Variants in PDE4D observed in about 807,000 individuals in gnomAD.
PDE4D encodes the protein 3',5'-cyclic-AMP phosphodiesterase 4D.
Under a neutral mutation model 87.4 loss-of-function variants are expected in PDE4D, and 24 were observed. That is an observed-to-expected ratio of 0.27 (90% confidence interval 0.20 to 0.39). PDE4D has a LOEUF of 0.39. PDE4D is among the 10% of genes least tolerant of loss of function. The pLI, the probability that PDE4D is intolerant of heterozygous loss-of-function variation, is 1.00. For missense variants in PDE4D, 714 were observed against 1,041.0 expected (o/e 0.69, Z 4.32); for synonymous variants, 384 against 383.2 (o/e 1.00, Z -0.02).
intron 1 of PDE4D, among the ~76,000 whole-genome samples, chr5:60,394,264 A>G (rs1762739808): frequency 6.6e-6 from 1 of 152,240 alleles, no homozygotes; most frequent in South Asian, 2.1e-4. Flanking sequence ...ACACAAGGTC[A>G]CCGTTAATGA....
At chr5:59,302,477 AC>A (rs1175789764) in intron 1 of PDE4D, among the ~76,000 whole-genome samples, 2 of 152,044 alleles carry the variant, frequency 1.3e-5, no homozygotes, top group Non-Finnish European at 2.9e-5. Flanking sequence ...TGCACCCATC[AC>A]CCAAGCAGTA....
intron 1 of PDE4D, among the ~76,000 whole-genome samples, chr5:59,578,382 C>A (rs1170181138): frequency 6.6e-6 from 1 of 152,158 alleles, no homozygotes. Flanking sequence ...CCAAGAAACA[C>A]AATCCATAGG....
chr5:59,089,787 A>G (rs1768361698), intron 5 of PDE4D, among the ~76,000 whole-genome samples: 1 of 152,196 alleles, frequency 6.6e-6, no homozygotes, highest in Admixed American at 6.5e-5. Flanking sequence ...TACCCCTTAC[A>G]GCCTGTGAGA....
intron 2 of PDE4D, among the ~76,000 whole-genome samples, chr5:60,146,985 T>G (rs1781054331): frequency 1.3e-5 from 2 of 152,126 alleles, no homozygotes; most frequent in Admixed American, 1.3e-4. Flanking sequence ...GGGGAGGATA[T>G]GGAGAAGAGG....
At chr5:59,581,943 C>T (rs531598933) in intron 1 of PDE4D, among the ~76,000 whole-genome samples, 41 of 152,110 alleles carry the variant, frequency 2.7e-4, no homozygotes, top group Non-Finnish European at 5.1e-4. Context: ...CTGACTTTAA[C>T]ATTGAGCCCT....
intron 1 of PDE4D, among the ~76,000 whole-genome samples, chr5:59,328,149 A>G (rs374452514): frequency 3.3e-5 from 5 of 152,296 alleles, no homozygotes; most frequent in African/African-American, 1.2e-4. Context: ...CTTTAAAAGC[A>G]CAGGGAGCAG....
intron 2 of PDE4D, among the ~76,000 whole-genome samples, chr5:60,012,418 T>C (rs766173206): frequency 6.6e-6 from 1 of 152,194 alleles, no homozygotes; most frequent in Non-Finnish European, 1.5e-5. Context: ...GAAAGTACAA[T>C]GTGACTTTAT....
intron 1 of PDE4D, among the ~76,000 whole-genome samples, chr5:60,366,513 C>G (rs1020556404): frequency 6.6e-6 from 1 of 152,200 alleles, no homozygotes; most frequent in African/African-American, 2.4e-5. Flanking sequence ...AAAGCATTTA[C>G]CAGATAACAA....
intron 1 of PDE4D, among the ~76,000 whole-genome samples, chr5:59,858,446 C>T (rs114988068): frequency 0.012 from 1,757 of 152,042 alleles, 36 homozygotes; most frequent in African/African-American, 0.04. Context: ...TGTCTTTGCC[C>T]TCATTCACGG....
intron 2 of PDE4D, among the ~76,000 whole-genome samples, chr5:60,143,623 GT>G: frequency 6.7e-6 from 1 of 149,090 alleles, no homozygotes; most frequent in African/African-American, 2.5e-5. Flanking sequence ...GTGTGTGTGT[GT>G]GTGTGTGTGT....
intron 1 of PDE4D, among the ~76,000 whole-genome samples, chr5:59,480,809 G>A (rs765759748): frequency 2.0e-5 from 3 of 152,174 alleles, no homozygotes; most frequent in Non-Finnish European, 2.9e-5. Flanking sequence ...ATAGGGCAGT[G>A]TAGTTCCTGC....
At chr5:60,167,360 T>TG (rs928653529) in intron 2 of PDE4D, among the ~76,000 whole-genome samples, 38 of 141,608 alleles carry the variant, frequency 2.7e-4, no homozygotes, top group African/African-American at 9.2e-4. Flanking sequence ...CTCCGCCCCC[T>TG]GGGGTTCACG....
rs991433052 is a variant in PDE4D at position 60,126,341 on chromosome 5, T to C, written c.42+59216A>G. Among the ~76,000 whole-genome samples, 4 of 152,218 alleles carry C rather than the reference T, an allele frequency of 2.6e-5. No homozygotes were observed. The East Asian group carries it at 7.7e-4, about 29-fold the overall frequency. On this transcript the variant is annotated intron_variant, in intron 2 of 16. Transcript: ENST00000502484. ...TCTAAATATCAAGCAGAAAATATTT[T>C]ACTTTTATTCTGCCATAATCTACTT...
chr5:60,478,612 T>C (rs1164998936), intron 1 of PDE4D, among the ~76,000 whole-genome samples: 2 of 152,254 alleles, frequency 1.3e-5, no homozygotes, highest in Non-Finnish European at 2.9e-5. Flanking sequence ...CATGCTTTTG[T>C]ATTGGCATAA....
intron 2 of PDE4D, among the ~76,000 whole-genome samples, chr5:60,028,194 T>A (rs1766842861): frequency 6.6e-6 from 1 of 152,180 alleles, no homozygotes; most frequent in African/African-American, 2.4e-5. Context: ...GCTGATAACC[T>A]TTGAGCTCTC....
At chr5:60,030,382 G>A (rs1343951616) in intron 2 of PDE4D, among the ~76,000 whole-genome samples, 4 of 152,128 alleles carry the variant, frequency 2.6e-5, no homozygotes, top group African/African-American at 4.8e-5. Flanking sequence ...CCCGGGAAGC[G>A]GAGCTTGCAG....
chr5:60,172,262 CA>C (rs1322269786), intron 2 of PDE4D, among the ~76,000 whole-genome samples: 1 of 94,470 alleles, frequency 1.1e-5, no homozygotes, highest in Non-Finnish European at 2.2e-5. Context: ...CCAAGTACTT[CA>C]ATACACACAC....
Position 58,972,201 on chromosome 5 carries a change from T to C in PDE4D, c.*2463A>G, listed in dbSNP as rs1421303725. 2 of 152,592 alleles carry C rather than the reference T, an allele frequency of 1.3e-5. No individual in the cohort carries two copies. The highest frequency in any genetic ancestry group is 4.8e-5 in the African/African-American group (2 of 41,460). 9.5% of individuals were successfully genotyped at this position (152,592 alleles called of 1,614,324 possible). A position where few individuals can be genotyped will look rare whatever the true frequency, so the allele number is the denominator to read the frequency against. ...TTGGAAAGAGGAATAAACTCTAGAC[T>C]CTTTACCTTTCTTTCTAGACTTCAC... is the stretch of plus-strand genomic sequence containing the variant. On this transcript the variant is annotated 3_prime_UTR_variant, in exon 15 of 15. Coordinates refer to ENST00000340635, the MANE Select transcript of PDE4D (RefSeq NM_001104631.2).
At chr5:60,080,853 G>C (rs1214344752) in intron 2 of PDE4D, among the ~76,000 whole-genome samples, 1 of 152,106 alleles carries the variant, frequency 6.6e-6, no homozygotes, top group Non-Finnish European at 1.5e-5. Context: ...TTTTTGTTGT[G>C]TCTCTTACCA....
Sources: gnomAD v4.1 joint callset for allele counts (sites outside exome capture counted in the v4.1 genomes callset) on GRCh38, gnomAD v4.1.1 for gene constraint, MANE v1.5 for transcripts, NCBI Gene and HGNC (gene_info 2026-07-23, HGNC 2026-07-21) for gene names.